The following SLIT2 variants were observed in gnomAD, a reference collection of about 807,000 sequenced individuals.
SLIT2 encodes the protein slit homolog 2 protein.
In SLIT2, 41 loss-of-function variants were observed where a neutral mutation model predicts 185.7. The ratio of observed to expected loss-of-function variants is 0.22; its 90% CI spans 0.17 to 0.29. The LOEUF (loss-of-function observed/expected upper bound fraction) is 0.29. Ranked by LOEUF, SLIT2 falls within the 10% of genes least tolerant of loss-of-function variation. SLIT2 has a pLI of 1.00. For synonymous variants in SLIT2, 693 were observed against 680.2 expected, an observed-to-expected ratio of 1.02 and a Z score of -0.29; for missense variants, 1,571 against 1,909.0, an observed-to-expected ratio of 0.82 and a Z score of 3.30.
At position 20,589,645 on chromosome 4, in the gene SLIT2, T is replaced by C. The variant is rs1727342465; in HGVS notation, c.3090T>C (p.Gly1030=). The C allele has an allele frequency of 1.2e-6, 2 of 1,612,158 alleles. No homozygotes were observed. The change falls in exon 30 of 37, where the codon GGT becomes GGC. Residue 1030 remains glycine (G), a splice_region_variant and synonymous_variant. Transcript: ENST00000504154. The stretch of plus-strand genomic sequence containing the variant: ...CTAACACTGTTTGCCCTGTTGCAGG[T>C]GAGTTGTGTGAGGAGAAGCTGGACT... The part of the protein sequence containing the change: ...YTCLCPPEYT[G]ELCEEKLDFC...
At chr4:20,359,266 TA>T (rs1260203249) in intron 4 of SLIT2, among the ~76,000 whole-genome samples, 2 of 151,868 alleles carry the variant, frequency 1.3e-5, no homozygotes, top group African/African-American at 4.8e-5. Context: ...GAAAGGAACT[TA>T]AGTTGGTGAA....
intron 4 of SLIT2, among the ~76,000 whole-genome samples, chr4:20,378,674 A>G (rs941872181): frequency 1.3e-5 from 2 of 152,152 alleles, no homozygotes; most frequent in African/African-American, 4.8e-5. Context: ...TAAATATGTG[A>G]TAACGACCAC....
intron 29 of SLIT2, among the ~76,000 whole-genome samples, chr4:20,584,589 G>T (rs1272509168): frequency 6.6e-6 from 1 of 152,228 alleles, no homozygotes; most frequent in Non-Finnish European, 1.5e-5. Flanking sequence ...CAGATATTCA[G>T]TAAGTAGCAT....
chr4:20,278,695 GAGAA>G, intron 4 of SLIT2, among the ~76,000 whole-genome samples: 1 of 151,694 alleles, frequency 6.6e-6, no homozygotes, highest in East Asian at 2.0e-4. Context: ...TGAAAGACAA[GAGAA>G]AGAGAGGAGT....
intron 4 of SLIT2, among the ~76,000 whole-genome samples, chr4:20,346,440 G>A (rs2109249497): frequency 6.6e-6 from 1 of 152,310 alleles, no homozygotes. Flanking sequence ...ACCTGGTTAT[G>A]AACCACTGTT....
rs113494568 is a variant in SLIT2 at position 20,603,792 on chromosome 4, C to A, written c.3692+5397C>A. Among the ~76,000 whole-genome samples the A allele has an allele frequency of 2.6e-5, 4 of 152,080 alleles. 1 individual carries two copies. Among genetic ancestry groups the A allele is most frequent in the Admixed American group, 2.0e-4 (3 of 15,266 alleles). On this transcript the variant is annotated intron_variant, in intron 33 of 36. Transcript: ENST00000504154. ...TGCAATTTACAGGCTTACATTTCAA[C>A]AAAAATACAAAAGAAACTCAACAAA...
At chr4:20,357,533 G>A (rs1451074197) in intron 4 of SLIT2, among the ~76,000 whole-genome samples, 9 of 152,066 alleles carry the variant, frequency 5.9e-5, no homozygotes, top group Admixed American at 5.9e-4. Context: ...TTAAATAGAT[G>A]CCCCTACATA....
chr4:20,514,077 C>T (rs1719983589), intron 11 of SLIT2, among the ~76,000 whole-genome samples: 1 of 151,994 alleles, frequency 6.6e-6, no homozygotes, highest in Non-Finnish European at 1.5e-5. Context: ...ATGATAGTGA[C>T]CAGGAGTTAA....
chr4:20,611,942 G>A (rs1442399022), intron 34 of SLIT2, among the ~76,000 whole-genome samples: 1 of 152,172 alleles, frequency 6.6e-6, no homozygotes, highest in Non-Finnish European at 1.5e-5. Flanking sequence ...ACATAAAGCA[G>A]AAAGGGAACA....
chr4:20,497,025 G>A (rs1718285603), intron 9 of SLIT2, among the ~76,000 whole-genome samples: 1 of 151,606 alleles, frequency 6.6e-6, no homozygotes, highest in African/African-American at 2.4e-5. Flanking sequence ...TCCCTGTTCT[G>A]CATACTTACT....
rs141645600 is a variant in SLIT2 at position 20,581,518 on chromosome 4, A to G, written c.3089-8126A>G. On this transcript the variant is annotated intron_variant, in intron 29 of 36. Transcript: ENST00000504154. Reference sequence around the variant, plus strand: ...CCATGTCACCAAAAGGTAATTCCCAATATAGGTACCCAAATCATAGACATT... The same window carrying G: ...CCATGTCACCAAAAGGTAATTCCCAGTATAGGTACCCAAATCATAGACATT... 3.8e-3 allele frequency among the ~76,000 whole-genome samples: 578 copies of G among 152,208 alleles called. 3 individuals are homozygous for G. Among genetic ancestry groups the G allele is most frequent in the Middle Eastern group, 0.01 (3 of 294 alleles).
chr4:20,436,494 A>G (rs1729351647), intron 4 of SLIT2, among the ~76,000 whole-genome samples: 1 of 152,208 alleles, frequency 6.6e-6, no homozygotes, highest in Non-Finnish European at 1.5e-5. Context: ...GTAAGCATCA[A>G]AACTTATTAC....
At chr4:20,283,865 C>T (rs1284467016) in intron 4 of SLIT2, among the ~76,000 whole-genome samples, 3 of 152,096 alleles carry the variant, frequency 2.0e-5, no homozygotes. Flanking sequence ...GTTTTGGCTC[C>T]CTCTTCTTAA....
chr4:20,478,938 T>G (rs916652405), intron 5 of SLIT2, among the ~76,000 whole-genome samples: 1 of 152,206 alleles, frequency 6.6e-6, no homozygotes, highest in East Asian at 1.9e-4. Flanking sequence ...GCAGCCATAT[T>G]ACATCATGAG....
In SLIT2 at chr4:20,480,709, T is replaced by G. The variant is rs1476237159; in HGVS notation, c.468-7T>G. 1 of 1,611,274 alleles carries G rather than the reference T, an allele frequency of 6.2e-7. No homozygotes were observed. The highest frequency in any genetic ancestry group is 1.7e-5 in the Admixed American group (1 of 59,994). On this transcript the variant is annotated splice_region_variant and splice_polypyrimidine_tract_variant and intron_variant, in intron 5 of 36. Transcript: ENST00000504154. ...TTCTACATATATTCTTCTAATCTTT[T>G]TAACAGGCAACTGGATTACAACCAG...
At chr4:20,368,114 G>C (rs1723261069) in intron 4 of SLIT2, among the ~76,000 whole-genome samples, 1 of 150,488 alleles carries the variant, frequency 6.6e-6, no homozygotes, top group Non-Finnish European at 1.5e-5. Flanking sequence ...CATGATTCTT[G>C]AAGCTGAGAA....
At chr4:20,525,828 T>C (rs1038180209) in intron 15 of SLIT2, among the ~76,000 whole-genome samples, 4 of 152,102 alleles carry the variant, frequency 2.6e-5, no homozygotes, top group African/African-American at 9.7e-5. Flanking sequence ...GCATCAGAAG[T>C]TCATGGGCAC....
At chr4:20,618,395 T>C (rs1729843127) in intron 36 of SLIT2, among the ~76,000 whole-genome samples, 4 of 152,236 alleles carry the variant, frequency 2.6e-5, no homozygotes, top group Admixed American at 2.6e-4. Flanking sequence ...ACTCCAGGTC[T>C]AATAAATAAA....
intron 4 of SLIT2, among the ~76,000 whole-genome samples, chr4:20,315,829 C>G (rs1718527084): frequency 6.6e-6 from 1 of 151,892 alleles, no homozygotes; most frequent in African/African-American, 2.4e-5. Flanking sequence ...TAGCCATGGG[C>G]TTTTAATACA....
Sources: gnomAD v4.1 joint callset for allele counts (sites outside exome capture counted in the v4.1 genomes callset) on GRCh38, gnomAD v4.1.1 for gene constraint, MANE v1.5 for transcripts, NCBI Gene and HGNC (gene_info 2026-07-23, HGNC 2026-07-21) for gene names.